CDH12: variants seen among roughly 807,000 people sequenced by gnomAD.
CDH12 encodes the protein cadherin-12.
A neutral mutation model predicts 74.1 loss-of-function variants in CDH12; 41 were observed. The ratio of observed to expected loss-of-function variants is 0.55; its 90% CI spans 0.43 to 0.72. CDH12 has a LOEUF of 0.72. CDH12 is among the 30% of genes least tolerant of loss of function. The pLI, the probability that CDH12 is intolerant of heterozygous loss-of-function variation, is 0.00. For synonymous variants in CDH12, 399 were observed against 355.0 expected (o/e 1.12, Z -1.39); for missense variants, 945 against 977.2 (o/e 0.97, Z 0.44).
chr5:22,376,843 A>G (rs540925947), intron 3 of CDH12, among the ~76,000 whole-genome samples: 1 of 152,146 alleles, frequency 6.6e-6, no homozygotes, highest in East Asian at 1.9e-4. Context: ...ATTGTAACAA[A>G]TACATGTACC....
chr5:22,737,943 A>G (rs980050387), intron 1 of CDH12, among the ~76,000 whole-genome samples: 1 of 152,044 alleles, frequency 6.6e-6, no homozygotes, highest in Non-Finnish European at 1.5e-5. Flanking sequence ...AAAATGAGAC[A>G]CTTTTGAGAG....
chr5:22,513,163 AG>A (rs1286471600), intron 1 of CDH12, among the ~76,000 whole-genome samples: 1 of 152,208 alleles, frequency 6.6e-6, no homozygotes, highest in African/African-American at 2.4e-5. Context: ...TAGAAGACTG[AG>A]GAACTGAAGT....
At chr5:22,126,530 T>TA (rs569613906) in intron 4 of CDH12, among the ~76,000 whole-genome samples, 1 of 152,050 alleles carries the variant, frequency 6.6e-6, no homozygotes, top group Non-Finnish European at 1.5e-5. Flanking sequence ...ATCTTGCATA[T>TA]AAAAAAAACT....
At chr5:22,467,912 C>G (rs1745799806) in intron 2 of CDH12, among the ~76,000 whole-genome samples, 1 of 152,212 alleles carries the variant, frequency 6.6e-6, no homozygotes, top group Non-Finnish European at 1.5e-5. Flanking sequence ...ATCAAATCAT[C>G]TGTAATGATT....
At chr5:22,725,926 T>A (rs909744463) in intron 1 of CDH12, among the ~76,000 whole-genome samples, 1 of 151,722 alleles carries the variant, frequency 6.6e-6, no homozygotes, top group Non-Finnish European at 1.5e-5. Flanking sequence ...AAATGAACAT[T>A]ATTTTTCAAG....
At chr5:22,075,752 G>A (rs564578987) in intron 5 of CDH12, among the ~76,000 whole-genome samples, 1 of 152,116 alleles carries the variant, frequency 6.6e-6, no homozygotes, top group South Asian at 2.1e-4. Context: ...CAACTGTGCT[G>A]GGGAGAAGTC....
intron 14 of CDH12, among the ~76,000 whole-genome samples, chr5:21,754,799 A>G (rs1744293695): frequency 6.6e-6 from 1 of 152,192 alleles, no homozygotes; most frequent in African/African-American, 2.4e-5. Flanking sequence ...ATTTTAAAGG[A>G]ATGAGGCATA....
At chr5:22,393,858 G>C (rs1378125072) in intron 3 of CDH12, among the ~76,000 whole-genome samples, 1 of 152,152 alleles carries the variant, frequency 6.6e-6, no homozygotes, top group Non-Finnish European at 1.5e-5. Context: ...GTAGTGGTCA[G>C]AAACTTGGCT....
intron 2 of CDH12, among the ~76,000 whole-genome samples, chr5:22,450,460 A>AT (rs1192060375): frequency 6.6e-6 from 1 of 151,848 alleles, no homozygotes; most frequent in Non-Finnish European, 1.5e-5. Flanking sequence ...GAAATATGAC[A>AT]TTTTTATTTA....
intron 3 of CDH12, among the ~76,000 whole-genome samples, chr5:22,312,586 A>G (rs1738440374): frequency 6.6e-6 from 1 of 152,340 alleles, no homozygotes; most frequent in East Asian, 1.9e-4. Context: ...GATAATAATA[A>G]GGAACTTAGA....
chr5:21,878,083 C>T (rs1752035264), intron 6 of CDH12, among the ~76,000 whole-genome samples: 1 of 152,166 alleles, frequency 6.6e-6, no homozygotes, highest in African/African-American at 2.4e-5. Context: ...TGTCTGTCTA[C>T]AAAGTATTAA....
intron 1 of CDH12, among the ~76,000 whole-genome samples, chr5:22,790,108 G>A (rs890742436): frequency 1.1e-4 from 16 of 151,970 alleles, no homozygotes; most frequent in African/African-American, 2.9e-4. Flanking sequence ...TACATCTTCC[G>A]AAAGAACTTA....
intron 1 of CDH12, among the ~76,000 whole-genome samples, chr5:22,714,110 G>A (rs1743440719): frequency 6.6e-6 from 1 of 152,092 alleles, no homozygotes; most frequent in Admixed American, 6.6e-5. Context: ...TTTCTAAAAT[G>A]TTCTGACCCA....
intron 2 of CDH12, among the ~76,000 whole-genome samples, chr5:22,418,826 T>C (rs920595091): frequency 2.6e-5 from 4 of 151,860 alleles, no homozygotes; most frequent in Non-Finnish European, 4.4e-5. Flanking sequence ...GGAGGTTGCA[T>C]TGAGCTGAGA....
At chr5:21,990,934 GA>G (rs200693502) in intron 5 of CDH12, among the ~76,000 whole-genome samples, 3,634 of 126,602 alleles carry the variant, frequency 0.029, 106 homozygotes, top group South Asian at 0.071. Context: ...GCCATTAACA[GA>G]AAAAAAAAAA....
chr5:22,747,978 A>G (rs1407111839), intron 1 of CDH12, among the ~76,000 whole-genome samples: 1 of 152,226 alleles, frequency 6.6e-6, no homozygotes, highest in Non-Finnish European at 1.5e-5. Flanking sequence ...GGTTCCCATA[A>G]AGAGCACACA....
intron 7 of CDH12, among the ~76,000 whole-genome samples, chr5:21,846,211 C>T (rs1367613409): frequency 6.6e-6 from 1 of 152,148 alleles, no homozygotes; most frequent in Non-Finnish European, 1.5e-5. Context: ...CCTGGTCTGA[C>T]CAATCTTTTG....
chr5:22,321,387 C>T (rs942122216), intron 3 of CDH12, among the ~76,000 whole-genome samples: 4 of 144,696 alleles, frequency 2.8e-5, no homozygotes, highest in African/African-American at 5.2e-5. Context: ...AGTAAACTAT[C>T]GCAAGAACAA....
intron 3 of CDH12, among the ~76,000 whole-genome samples, chr5:22,381,502 AT>A (rs1358578603): frequency 9.2e-5 from 14 of 151,650 alleles, no homozygotes; most frequent in Non-Finnish European, 1.9e-4. Flanking sequence ...CATTTTATTT[AT>A]TTATTTTTCT....
Sources: gnomAD v4.1 joint callset for allele counts (sites outside exome capture counted in the v4.1 genomes callset) on GRCh38, gnomAD v4.1.1 for gene constraint, MANE v1.5 for transcripts, NCBI Gene and HGNC (gene_info 2026-07-23, HGNC 2026-07-21) for gene names.